SMYD3: variants seen among roughly 807,000 people sequenced by gnomAD.
The protein encoded by SMYD3 is SET and MYND domain containing 3.
In SMYD3, 36 loss-of-function variants were observed where a neutral mutation model predicts 57.7. That is an observed-to-expected ratio of 0.62 (90% confidence interval 0.48 to 0.82). The LOEUF is 0.82. Ranked by LOEUF, SMYD3 falls within the 40% of genes least tolerant of loss-of-function variation. SMYD3 has a pLI of 0.00. For synonymous variants in SMYD3, 211 were observed against 195.0 expected (o/e 1.08, Z -0.68); for missense variants, 515 against 538.8 (o/e 0.96, Z 0.44).
chr1:246,224,949 G>C (rs997245674), intron 5 of SMYD3, among the ~76,000 whole-genome samples: 2 of 152,016 alleles, frequency 1.3e-5, no homozygotes, highest in Non-Finnish European at 2.9e-5. Context: ...GCTATGTTGA[G>C]TTTGAGATGC....
intron 10 of SMYD3, among the ~76,000 whole-genome samples, chr1:245,787,920 T>C (rs937032443): frequency 7.9e-5 from 12 of 152,164 alleles, no homozygotes; most frequent in Non-Finnish European, 1.3e-4. Flanking sequence ...AACTGGGCAT[T>C]GTACTGGTCA....
intron 10 of SMYD3, among the ~76,000 whole-genome samples, chr1:245,807,471 G>A (rs2048239544): frequency 6.6e-6 from 1 of 152,174 alleles, no homozygotes; most frequent in Non-Finnish European, 1.5e-5. Context: ...CTTGTTCACT[G>A]GTGACAACTC....
At chr1:245,964,143 A>G (rs917513957) in intron 5 of SMYD3, among the ~76,000 whole-genome samples, 1 of 152,142 alleles carries the variant, frequency 6.6e-6, no homozygotes, top group African/African-American at 2.4e-5. Flanking sequence ...TGATGGAGGG[A>G]GCAAGAAAAG....
rs546300378 is a variant in SMYD3 at position 246,036,720 on chromosome 1, A to ATTTTT, written c.532-106788_532-106784dup. On this transcript the variant is annotated intron_variant, in intron 5 of 11. Transcript: ENST00000490107. ...AGGCGCCTGCCACTAAGCCCGGCTA[A>ATTTTT]TTTTTTTTTTTTTTTTTGTACTTTT... 1.7e-3 allele frequency among the ~76,000 whole-genome samples: 191 copies of ATTTTT among 110,500 alleles called. 3 individuals are homozygous for ATTTTT. Among genetic ancestry groups the ATTTTT allele is most frequent in the East Asian group, 6.6e-3 (17 of 2,580 alleles). The allele number at this position is 110,500 out of a possible 152,430, so 72.5% of individuals were successfully genotyped here.
At chr1:245,828,640 T>C (rs1055680229) in intron 10 of SMYD3, among the ~76,000 whole-genome samples, 12 of 152,138 alleles carry the variant, frequency 7.9e-5, no homozygotes, top group African/African-American at 1.9e-4. Flanking sequence ...ATGTAAATCT[T>C]TGGAGAAAAC....
chr1:246,124,980 G>A (rs954138818), intron 5 of SMYD3, among the ~76,000 whole-genome samples: 8 of 151,666 alleles, frequency 5.3e-5, no homozygotes, highest in Non-Finnish European at 1.0e-4. Flanking sequence ...GCTGAGGCAG[G>A]AGAATGGTGT....
chr1:246,282,784 A>C (rs964744242), intron 5 of SMYD3, among the ~76,000 whole-genome samples: 5 of 152,200 alleles, frequency 3.3e-5, no homozygotes, highest in Admixed American at 3.3e-4. Context: ...AAATGATAAA[A>C]ATTTATTCAT....
intron 5 of SMYD3, among the ~76,000 whole-genome samples, chr1:246,219,306 G>C (rs1431874311): frequency 6.6e-6 from 1 of 152,044 alleles, no homozygotes; most frequent in Admixed American, 6.5e-5. Context: ...GGACATCAAA[G>C]ACTGCAGCTG....
At chr1:246,102,755 A>ATAAT (rs1553289392) in intron 5 of SMYD3, among the ~76,000 whole-genome samples, 2,584 of 146,938 alleles carry the variant, frequency 0.018, 85 homozygotes, top group East Asian at 0.12. Context: ...AAAAAAAAAA[A>ATAAT]AATAATAATA....
At chr1:246,218,778 G>C (rs2063207163) in intron 5 of SMYD3, among the ~76,000 whole-genome samples, 1 of 152,206 alleles carries the variant, frequency 6.6e-6, no homozygotes, top group Non-Finnish European at 1.5e-5. Context: ...AATACTCACG[G>C]GTATCTTAGC....
intron 5 of SMYD3, among the ~76,000 whole-genome samples, chr1:245,974,107 C>A (rs561169853): frequency 6.6e-6 from 1 of 152,298 alleles, no homozygotes; most frequent in African/African-American, 2.4e-5. Flanking sequence ...CAGGCACCCT[C>A]CTTTCCTCTT....
intron 5 of SMYD3, among the ~76,000 whole-genome samples, chr1:246,319,740 G>A (rs2065217204): frequency 6.6e-6 from 1 of 152,112 alleles, no homozygotes; most frequent in East Asian, 1.9e-4. Flanking sequence ...TGAAGTAACA[G>A]AGCACCAGTG....
chr1:245,953,674 C>A (rs1400131392), intron 5 of SMYD3, among the ~76,000 whole-genome samples: 1 of 152,150 alleles, frequency 6.6e-6, no homozygotes, highest in African/African-American at 2.4e-5. Flanking sequence ...CAGCCTTGTC[C>A]TCCCAAAGTG....
intron 1 of SMYD3, among the ~76,000 whole-genome samples, chr1:246,432,366 A>T (rs1427287056): frequency 6.6e-6 from 1 of 152,246 alleles, no homozygotes; most frequent in Non-Finnish European, 1.5e-5. Context: ...TAGAAAGTTA[A>T]TCATTCCACT....
intron 11 of SMYD3, among the ~76,000 whole-genome samples, chr1:245,763,285 T>C (rs1204780705): frequency 1.3e-5 from 2 of 152,162 alleles, no homozygotes; most frequent in Non-Finnish European, 2.9e-5. Context: ...GTTGCCAAGA[T>C]AACCACGAAG....
intron 5 of SMYD3, among the ~76,000 whole-genome samples, chr1:246,083,510 G>GCACGGGTCCTCCGTATGCTGA (rs1553283939): frequency 7.0e-6 from 1 of 142,016 alleles, no homozygotes; most frequent in Non-Finnish European, 1.5e-5. Flanking sequence ...GGCTGGTGCC[G>GCACGGGTCCTCCGTATGCTGA]GCGCGGGTCC....
At chr1:246,210,263 G>T (rs961621005) in intron 5 of SMYD3, among the ~76,000 whole-genome samples, 1 of 152,120 alleles carries the variant, frequency 6.6e-6, no homozygotes, top group Non-Finnish European at 1.5e-5. Context: ...TGCAGCAATG[G>T]TGCCTACCAT....
chr1:245,871,359 T>C (rs2052180408), intron 8 of SMYD3, among the ~76,000 whole-genome samples: 1 of 152,182 alleles, frequency 6.6e-6, no homozygotes, highest in African/African-American at 2.4e-5. Flanking sequence ...TCCACCTCCT[T>C]TGACAAAAAC....
chr1:245,805,009 C>G (rs1278217186), intron 10 of SMYD3, among the ~76,000 whole-genome samples: 1 of 152,140 alleles, frequency 6.6e-6, no homozygotes, highest in African/African-American at 2.4e-5. Flanking sequence ...CAAGCAAGAC[C>G]CATTTCATAT....
Sources: gnomAD v4.1 joint callset for allele counts (sites outside exome capture counted in the v4.1 genomes callset) on GRCh38, gnomAD v4.1.1 for gene constraint, MANE v1.5 for transcripts, NCBI Gene and HGNC (gene_info 2026-07-23, HGNC 2026-07-21) for gene names.